Variants in PRR32 observed in about 807,000 individuals in gnomAD.
PRR32 encodes proline rich 32.
Under a neutral mutation model 1.3 loss-of-function variants are expected in PRR32, and 2 were observed. The ratio of observed to expected loss-of-function variants is 1.49; its 90% CI spans 0.61 to 4.68. The LOEUF (loss-of-function observed/expected upper bound fraction) is 4.68, where lower values mean the gene tolerates loss of function less well. Ranked by LOEUF, PRR32 falls within the 30% of genes most tolerant of loss-of-function variation. The probability of loss-of-function intolerance (pLI) is 0.06; values close to 1 mark genes in which losing one functional copy is unlikely to be tolerated. For synonymous variants in PRR32, 107 were observed against 88.7 expected (o/e 1.21, Z -1.16); for missense variants, 241 against 232.5 (o/e 1.04, Z -0.24).
At position 126,820,647 on chromosome X, in the gene PRR32, T is replaced by G. The variant is rs750567630; in HGVS notation, c.21-12T>G. 7.8e-6 allele frequency: 9 copies of G among 1,156,921 alleles called. No homozygotes were observed. The South Asian group carries it at 1.8e-4, about 23-fold the overall frequency. On this transcript the variant is annotated splice_polypyrimidine_tract_variant and intron_variant, in intron 1 of 1. Transcript: ENST00000371125. ...CCATTTTTATTAGCTGTTTGATTTC[T>G]GTTTTTGCAAGCCTTGGAGGGCACG...
At position 126,821,542 on chromosome X, in the gene PRR32, AAAGG is replaced by A. The variant is rs1602656907; in HGVS notation, c.*13_*16del. On this transcript the variant is annotated 3_prime_UTR_variant, in exon 2 of 2. Coordinates refer to ENST00000371125, the MANE Select transcript of PRR32 (RefSeq NM_001122716.2). ...CAACAGAGAGCACAGCTGATGGCAA[AAAGG>A]AAGGATGAAAAAAGGGTTGTGGAAA... 6 of 1,161,174 alleles carry A rather than the reference AAAGG, an allele frequency of 5.2e-6. No homozygotes were observed. Among genetic ancestry groups the A allele is most frequent in the Non-Finnish European group, 6.9e-6 (6 of 871,294 alleles).
At position 126,820,672 on chromosome X, in the gene PRR32, GC is replaced by G; in HGVS notation, c.38del (p.Pro13LeufsTer5). 8.6e-7 allele frequency: 1 copy of G among 1,166,229 alleles called. No individual in the cohort carries two copies. Among genetic ancestry groups the G allele is most frequent in the Non-Finnish European group, 1.1e-6 (1 of 872,201 alleles). On this transcript the variant is annotated frameshift_variant, in exon 2 of 2. Transcript: ENST00000371125. LOFTEE classifies it low-confidence loss of function (END_TRUNC). ...ACIENVLGGH[A>X]PSPLVVSVDK... The stretch of plus-strand genomic sequence containing the variant: ...TGTTTTTGCAAGCCTTGGAGGGCAC[GC>G]CCCTTCACCCTTGGTAGTATCTGTG...
chrX:126,821,709 C>A lies in PRR32; in HGVS notation c.*174C>A. 2 of 566,655 alleles carry A rather than the reference C, an allele frequency of 3.5e-6. No individual in the cohort carries two copies. Among genetic ancestry groups the A allele is most frequent in the Non-Finnish European group, 5.4e-6 (2 of 369,233 alleles). The allele number at this position is 566,655 out of a possible 1,213,427, so 46.7% of individuals were successfully genotyped here. ...AGCACTAATGTGCCCTATTTGAAACCTTGTACCCTACCACACTCTGTTTAG... is the reference window on the plus strand; with the variant it reads ...AGCACTAATGTGCCCTATTTGAAACATTGTACCCTACCACACTCTGTTTAG... On this transcript the variant is annotated 3_prime_UTR_variant, in exon 2 of 2. Transcript: ENST00000371125.
chrX:126,821,047 C>T lies in PRR32; in HGVS notation c.409C>T (p.Pro137Ser), dbSNP rs904089174. ...NVSWEVSGGPPALIVGGTKVN... is the reference protein window; with the variant it reads ...NVSWEVSGGPSALIVGGTKVN... ...GTCCTGGGAAGTCTCTGGCGGCCCT[C>T]CTGCACTGATAGTAGGGGGCACAAA... Residue 137 changes from proline (P) to serine (S), a missense_variant, in exon 2 of 2, where the codon CCT (proline) becomes TCT (serine). By Grantham distance (74) the Pro-to-Ser change is moderately conservative. Coordinates refer to ENST00000371125, the MANE Select transcript of PRR32 (RefSeq NM_001122716.2). The T allele has an allele frequency of 8.6e-7, 1 of 1,166,623 alleles. No homozygotes were observed. Among genetic ancestry groups the T allele is most frequent in the South Asian group, 1.9e-5 (1 of 52,548 alleles).
In PRR32 at chrX:126,820,871, G is replaced by A; in HGVS notation, c.233G>A (p.Gly78Glu). The A allele has an allele frequency of 8.6e-7, 1 of 1,167,614 alleles. No homozygotes were observed. Among genetic ancestry groups the A allele is most frequent in the Non-Finnish European group, 1.1e-6 (1 of 872,922 alleles). The change falls in exon 2 of 2, where the codon GGA (glycine) becomes GAA (glutamate). Residue 78 changes from glycine to glutamate, a missense_variant. Transcript: ENST00000371125. Reference protein sequence around the residue: ...KQLEWPSERTGSCIPLHSLRA... With the variant: ...KQLEWPSERTESCIPLHSLRA... Reference sequence around the variant, plus strand: ...CTGGAGTGGCCCTCTGAAAGAACAGGATCCTGCATTCCTCTTCATAGCTTG... The same window carrying A: ...CTGGAGTGGCCCTCTGAAAGAACAGAATCCTGCATTCCTCTTCATAGCTTG...
At position 126,820,914 on chromosome X, in the gene PRR32, C is replaced by T; in HGVS notation, c.276C>T (p.Pro92=). ...PLHSLRAHRH[P]YGPPPAVAEE... is the part of the protein sequence containing the mutation. ...ATAGCTTGAGAGCTCATAGACACCC[C>T]TACGGGCCACCACCTGCTGTTGCAG... Residue 92 remains proline (P), a synonymous_variant, in exon 2 of 2, where the codon CCC becomes CCT. Coordinates refer to ENST00000371125, the MANE Select transcript of PRR32 (RefSeq NM_001122716.2). 8.6e-7 allele frequency: 1 copy of T among 1,167,826 alleles called. No individual in the cohort carries two copies.
At position 126,820,917 on chromosome X, in the gene PRR32, C is replaced by G. The variant is rs41309536; in HGVS notation, c.279C>G (p.Tyr93Ter). 4.3e-6 allele frequency: 5 copies of G among 1,167,641 alleles called. No individual in the cohort carries two copies. Among genetic ancestry groups the G allele is most frequent in the Admixed American group, 5.2e-5 (2 of 38,737 alleles). Residue 93 changes from tyrosine (Y) to a stop codon, truncating the protein, a stop_gained, in exon 2 of 2, where the codon TAC becomes TAG. Coordinates refer to ENST00000371125, the MANE Select transcript of PRR32 (RefSeq NM_001122716.2). LOFTEE classifies it low-confidence loss of function (END_TRUNC). Reference sequence around the variant, plus strand: ...GCTTGAGAGCTCATAGACACCCCTACGGGCCACCACCTGCTGTTGCAGAAG... The same window carrying G: ...GCTTGAGAGCTCATAGACACCCCTAGGGGCCACCACCTGCTGTTGCAGAAG... ...LHSLRAHRHP[Y>*]GPPPAVAEES...
rs1278056650 is a variant in PRR32, at chrX:126,819,812, C to G, written c.-32C>G. On this transcript the variant is annotated 5_prime_UTR_variant, in exon 1 of 2. Transcript: ENST00000371125. ...CCTGTTCAGTGGGTTATCTCCACCA[C>G]CTCAGGAAAGCTATTCTGATCAAAT... 4 of 1,160,179 alleles carry G rather than the reference C, an allele frequency of 3.4e-6. No individual in the cohort carries two copies. Among genetic ancestry groups the G allele is most frequent in the Non-Finnish European group, 4.6e-6 (4 of 869,115 alleles).
rs746155705 is a variant in PRR32, at chrX:126,821,363, C to G, written c.725C>G (p.Ser242Cys). 24 of 1,167,010 alleles carry G rather than the reference C, an allele frequency of 2.1e-5. No homozygotes were observed. Among genetic ancestry groups the G allele is most frequent in the Middle Eastern group, 4.6e-4 (2 of 4,328 alleles). Residue 242 changes from serine (S) to cysteine (C), a missense_variant, in exon 2 of 2, where the codon TCT becomes TGT. By Grantham distance (112) the Ser-to-Cys change is moderately radical. Transcript: ENST00000371125. ...AGTACTCCAGGTTTACCTTCTTGCTCTACTGTTCATTGTTTCATCCCTCCT... is the reference window on the plus strand; with the variant it reads ...AGTACTCCAGGTTTACCTTCTTGCTGTACTGTTCATTGTTTCATCCCTCCT... ...SSSTPGLPSC[S>C]TVHCFIPPRP...
At chrX:126,820,467 T>C (rs1438770422) in intron 1 of PRR32, among the ~76,000 whole-genome samples, 192 bp from the exon 2 acceptor site, 1 of 111,798 alleles carries the variant, frequency 8.9e-6, no homozygotes, top group Non-Finnish European at 1.9e-5. Context: ...AGGGTAATCA[T>C]GTAGCCTAGT....
intron 1 of PRR32, 99 bp from the exon 2 acceptor site, chrX:126,820,560 C>T: frequency 9.9e-6 from 10 of 1,013,760 alleles, no homozygotes; most frequent in Non-Finnish European, 1.3e-5. Flanking sequence ...CCTTTTTTCC[C>T]TGGTATATTT....
At position 126,821,360 on chromosome X, in the gene PRR32, G is replaced by C. The variant is rs1368222859; in HGVS notation, c.722G>C (p.Cys241Ser). The change falls in exon 2 of 2, where the codon TGC becomes TCC. Residue 241 changes from cysteine (C) to serine (S), a missense_variant. Transcript: ENST00000371125. ...TCCAGTACTCCAGGTTTACCTTCTT[G>C]CTCTACTGTTCATTGTTTCATCCCT... is the stretch of plus-strand genomic sequence containing the variant. Reference protein sequence around the residue: ...LSSSTPGLPSCSTVHCFIPPR... With the variant: ...LSSSTPGLPSSSTVHCFIPPR... 8.6e-7 allele frequency: 1 copy of C among 1,166,804 alleles called. No homozygotes were observed. Among genetic ancestry groups the C allele is most frequent in the African/African-American group, 1.8e-5 (1 of 55,750 alleles).
Position 126,821,404 on chromosome X carries a change from A to T in PRR32, c.766A>T (p.Asn256Tyr), listed in dbSNP as rs1430540677. The stretch of plus-strand genomic sequence containing the variant: ...CATCCCTCCTCGACCTCCGATTTTC[A>T]ATCCCTTTCTCACTATGCCTCTTCC... ...CFIPPRPPIF[N>Y]PFLTMPLPFA... is the part of the protein sequence containing the mutation. Residue 256 changes from asparagine (N) to tyrosine (Y), a missense_variant, in exon 2 of 2, where the codon AAT (asparagine) becomes TAT (tyrosine). Asn to Tyr is a moderately radical substitution (Grantham distance 143). Transcript: ENST00000371125. 1 of 1,166,282 alleles carries T rather than the reference A, an allele frequency of 8.6e-7. No individual in the cohort carries two copies. The highest frequency in any genetic ancestry group is 1.1e-6 in the Non-Finnish European group (1 of 872,788).
In PRR32 at chrX:126,821,161, G is replaced by A; in HGVS notation, c.523G>A (p.Gly175Ser). The A allele has an allele frequency of 8.6e-7, 1 of 1,167,723 alleles. No homozygotes were observed. The highest frequency in any genetic ancestry group is 1.1e-6 in the Non-Finnish European group (1 of 872,959). The change falls in exon 2 of 2, where the codon GGC becomes AGC. Residue 175 changes from glycine to serine, a missense_variant. By Grantham distance (56) the Gly-to-Ser change is moderately conservative (BLOSUM62 0). Transcript: ENST00000371125. ...AGGTAAAGGGTTCTTTCCACCCAGG[G>A]GCCCACAAGTGAGAGGCCCTTCACA... ...PQGKGFFPPR[G>S]PQVRGPSHIP...
In PRR32 at chrX:126,819,852, T is replaced by C. The variant is rs1930527875; in HGVS notation, c.9T>C (p.Cys3=). ...TCTGATCAAATTTCTTCATGGCTTGTATTGAAAACGTGTAAGTACAAAACC... is the reference window on the plus strand; with the variant it reads ...TCTGATCAAATTTCTTCATGGCTTGCATTGAAAACGTGTAAGTACAAAACC... MA[C]IENVLGGHAP... is the part of the protein sequence containing the mutation. Residue 3 remains cysteine, a synonymous_variant, in exon 1 of 2, where the codon TGT becomes TGC. Coordinates refer to ENST00000371125, the MANE Select transcript of PRR32 (RefSeq NM_001122716.2). The C allele has an allele frequency of 8.6e-7, 1 of 1,165,675 alleles. No individual in the cohort carries two copies. Among genetic ancestry groups the C allele is most frequent in the Non-Finnish European group, 1.1e-6 (1 of 871,840 alleles).
intron 1 of PRR32, among the ~76,000 whole-genome samples, chrX:126,820,246 A>G (rs1426238429): frequency 2.7e-5 from 3 of 109,902 alleles, no homozygotes; most frequent in Admixed American, 9.8e-5. Context: ...TTCTGTGAAG[A>G]AAAAGATATT....
Position 126,821,453 on chromosome X carries a change from G to T in PRR32, c.815G>T (p.Gly272Val). 1 of 1,167,472 alleles carries T rather than the reference G, an allele frequency of 8.6e-7. No homozygotes were observed. The highest frequency in any genetic ancestry group is 1.1e-6 in the Non-Finnish European group (1 of 872,986). The change falls in exon 2 of 2, where the codon GGT (glycine) becomes GTT (valine). Residue 272 changes from glycine (G) to valine (V), a missense_variant. Physicochemically the swap from Gly to Val is moderately radical, Grantham distance 109. Coordinates refer to ENST00000371125, the MANE Select transcript of PRR32 (RefSeq NM_001122716.2). ...PLPFAPPPIF[G>V]PPLPSYFAHF... ...CCTTTTGCTCCTCCTCCGATATTTG[G>T]TCCTCCACTGCCTTCTTATTTTGCC...
In PRR32 at chrX:126,821,590, T is replaced by G. The variant is rs1930563087; in HGVS notation, c.*55T>G. 8.9e-7 allele frequency: 1 copy of G among 1,128,046 alleles called. No individual in the cohort carries two copies. Among genetic ancestry groups the G allele is most frequent in the Non-Finnish European group, 1.2e-6 (1 of 855,653 alleles). 93.0% of individuals were successfully genotyped at this position (1,128,046 alleles called of 1,213,427 possible). ...GTGGAAAGAGGTGAAAGTTATTCATTTATGCTTTTATATTTGAAACCTTGT... is the reference window on the plus strand; with the variant it reads ...GTGGAAAGAGGTGAAAGTTATTCATGTATGCTTTTATATTTGAAACCTTGT... On this transcript the variant is annotated 3_prime_UTR_variant, in exon 2 of 2. Transcript: ENST00000371125.
chrX:126,821,372 A>G lies in PRR32; in HGVS notation c.734A>G (p.His245Arg). 3.4e-6 allele frequency: 4 copies of G among 1,167,903 alleles called. No individual in the cohort carries two copies. Among genetic ancestry groups the G allele is most frequent in the Non-Finnish European group, 4.6e-6 (4 of 873,030 alleles). The change falls in exon 2 of 2, where the codon CAT (histidine) becomes CGT (arginine). Residue 245 changes from histidine (H) to arginine (R), a missense_variant. His to Arg is a conservative substitution (Grantham distance 29). Coordinates refer to ENST00000371125, the MANE Select transcript of PRR32 (RefSeq NM_001122716.2). ...TPGLPSCSTV[H>R]CFIPPRPPIF... ...GGTTTACCTTCTTGCTCTACTGTTC[A>G]TTGTTTCATCCCTCCTCGACCTCCG...
Sources: gnomAD v4.1 joint callset for allele counts (sites outside exome capture counted in the v4.1 genomes callset) on GRCh38, gnomAD v4.1.1 for gene constraint, MANE v1.5 for transcripts, NCBI Gene and HGNC (gene_info 2026-07-23, HGNC 2026-07-21) for gene names.